The following CSMD1 variants were observed in gnomAD, a reference collection of about 807,000 sequenced individuals.
CSMD1 encodes CUB and Sushi multiple domains 1, also known as CUB and sushi domain-containing protein 1.
CSMD1 carries 213 observed loss-of-function variants against 417.5 expected under a neutral mutation model. That is an observed-to-expected ratio of 0.51 (90% confidence interval 0.46 to 0.57). CSMD1 has a LOEUF of 0.57. Among genes scored for constraint, CSMD1 ranks in the 20% least tolerant of loss-of-function variants. The pLI is 0.00. For missense variants in CSMD1, 6,923 were observed against 4,529.7 expected (o/e 1.53, Z -15.17); for synonymous variants, 2,862 against 1,736.8 (o/e 1.65, Z -16.11).
chr8:3,943,879 T>C (rs1180433019), intron 5 of CSMD1, among the ~76,000 whole-genome samples: 1 of 152,102 alleles, frequency 6.6e-6, no homozygotes. Context: ...GAAAGAGACA[T>C]GGCAGCTAAA....
chr8:3,869,651 CT>C (rs1056832129), intron 5 of CSMD1, among the ~76,000 whole-genome samples: 2 of 152,122 alleles, frequency 1.3e-5, no homozygotes, highest in Non-Finnish European at 2.9e-5. Context: ...AAAGTTCTGC[CT>C]TTCTAGTTGC....
At chr8:4,660,271 T>C (rs776568337) in intron 1 of CSMD1, among the ~76,000 whole-genome samples, 3 of 152,104 alleles carry the variant, frequency 2.0e-5, no homozygotes, top group Non-Finnish European at 4.4e-5. Context: ...ATTAAGTCTG[T>C]AACATGGACA....
In CSMD1 at chr8:2,960,961, T is replaced by TATATATATATATATAC. The variant is rs1408815262; in HGVS notation, c.9702+179_9702+180insGTATATATATATATAT. Among the ~76,000 whole-genome samples the TATATATATATATATAC allele has an allele frequency of 1.8e-3, 239 of 130,810 alleles. 2 individuals are homozygous for TATATATATATATATAC. Among genetic ancestry groups the TATATATATATATATAC allele is most frequent in the East Asian group, 0.015 (73 of 4,760 alleles). 85.8% of individuals were successfully genotyped at this position (130,810 alleles called of 152,430 possible). A position where few individuals can be genotyped will look rare whatever the true frequency, so the allele number is the denominator to read the frequency against. On this transcript the variant is annotated intron_variant, in intron 62 of 69. Coordinates refer to ENST00000635120, the MANE Select transcript of CSMD1 (RefSeq NM_033225.6). ...CAAGATATATATATATATATATATATATATACATATATTGATTTTGACAGT... is the reference window on the plus strand; with the variant it reads ...CAAGATATATATATATATATATATATATATATATATATATACATATACATATATTGATTTTGACAGT...
intron 5 of CSMD1, among the ~76,000 whole-genome samples, chr8:3,831,851 T>C (rs140182238): frequency 6.6e-6 from 1 of 152,328 alleles, no homozygotes; most frequent in Non-Finnish European, 1.5e-5. Context: ...TCCTTGTTCA[T>C]ATAACATAGC....
chr8:3,939,375 G>C (rs1029515184), intron 5 of CSMD1, among the ~76,000 whole-genome samples: 3 of 152,114 alleles, frequency 2.0e-5, no homozygotes, highest in South Asian at 4.1e-4. Flanking sequence ...TGTTGGCATG[G>C]ATATGGTGAA....
chr8:3,518,080 A>C (rs913131166), intron 10 of CSMD1, among the ~76,000 whole-genome samples: 1 of 152,192 alleles, frequency 6.6e-6, no homozygotes, highest in Non-Finnish European at 1.5e-5. Context: ...AAATGTGATT[A>C]TAACTATAAA....
chr8:4,268,284 A>G (rs772864742), intron 3 of CSMD1, among the ~76,000 whole-genome samples: 1 of 152,170 alleles, frequency 6.6e-6, no homozygotes, highest in Non-Finnish European at 1.5e-5. Flanking sequence ...TATTTGAACA[A>G]AATGATGACT....
chr8:4,022,459 A>C (rs1474780590), intron 4 of CSMD1, among the ~76,000 whole-genome samples: 1 of 152,164 alleles, frequency 6.6e-6, no homozygotes, highest in African/African-American at 2.4e-5. Context: ...AGATAAGGAC[A>C]TTTGCAGCCT....
At chr8:3,284,388 G>C (rs1802985160) in intron 25 of CSMD1, 42 bp from the exon 26 acceptor site, 1 of 1,476,916 alleles carries the variant, frequency 6.8e-7, no homozygotes, top group African/African-American at 1.4e-5. Flanking sequence ...CGTGCATCGA[G>C]CATGTCCTGA....
chr8:3,374,173 C>T lies in CSMD1; in HGVS notation c.2783-4803G>A, dbSNP rs970504846. On this transcript the variant is annotated intron_variant, in intron 18 of 69. Coordinates refer to ENST00000635120, the MANE Select transcript of CSMD1 (RefSeq NM_033225.6). ...TTCACCTTGTTGTCCCGGCTAGTCT[C>T]GAACTCCTGACCTCAAGTCATCTAC... Among the ~76,000 whole-genome samples, 5 of 138,094 alleles carry T rather than the reference C, an allele frequency of 3.6e-5. No individual in the cohort carries two copies. The East Asian group carries it at 8.4e-4, about 23-fold the overall frequency. 90.6% of individuals were successfully genotyped at this position (138,094 alleles called of 152,430 possible).
intron 5 of CSMD1, among the ~76,000 whole-genome samples, chr8:3,767,853 T>A (rs1320824360): frequency 2.0e-5 from 3 of 152,200 alleles, no homozygotes; most frequent in Non-Finnish European, 4.4e-5. Context: ...GTGGGTCAGA[T>A]AAATAAATAC....
At chr8:3,333,788 T>C (rs1807062935) in intron 23 of CSMD1, among the ~76,000 whole-genome samples, 1 of 152,214 alleles carries the variant, frequency 6.6e-6, no homozygotes, top group Admixed American at 6.5e-5. Flanking sequence ...TAAAATATAA[T>C]ACACCGTAAA....
chr8:4,007,566 T>G (rs1406034823), intron 4 of CSMD1, among the ~76,000 whole-genome samples: 2 of 152,118 alleles, frequency 1.3e-5, no homozygotes. Context: ...TATGCTTACC[T>G]CTCGGTGCGT....
intron 3 of CSMD1, among the ~76,000 whole-genome samples, chr8:4,417,655 A>G (rs928054633): frequency 3.9e-4 from 60 of 152,048 alleles, no homozygotes; most frequent in African/African-American, 1.2e-3. Context: ...GTCAAATAAC[A>G]GGATCCGTGG....
intron 41 of CSMD1, among the ~76,000 whole-genome samples, chr8:3,124,092 TG>T (rs1212203618): frequency 2.6e-5 from 4 of 152,172 alleles, no homozygotes; most frequent in African/African-American, 7.2e-5. Flanking sequence ...AAATTGTTGT[TG>T]TTTTTTTTTC....
intron 11 of CSMD1, chr8:3,469,135 T>C (rs1249438816): frequency 1.3e-5 from 3 of 239,400 alleles, no homozygotes; most frequent in South Asian, 1.4e-4. Flanking sequence ...GGAATTACAA[T>C]GTTACAACTG....
chr8:3,223,687 T>A, intron 28 of CSMD1, 42 bp downstream of exon 28: 4 of 1,604,064 alleles, frequency 2.5e-6, no homozygotes, highest in Non-Finnish European at 3.4e-6. Context: ...GGTATGGAAT[T>A]AAAAATCCTA....
At chr8:4,663,126 C>T (rs1804705407) in intron 1 of CSMD1, among the ~76,000 whole-genome samples, 2 of 152,142 alleles carry the variant, frequency 1.3e-5, no homozygotes, top group South Asian at 2.1e-4. Context: ...TAGGACGCCA[C>T]GGAGAAGGGA....
At position 3,211,163 on chromosome 8, in the gene CSMD1, G is replaced by A. The variant is rs572716909; in HGVS notation, c.4867+3334C>T. Among the ~76,000 whole-genome samples, 33 of 152,160 alleles carry A rather than the reference G, an allele frequency of 2.2e-4. No homozygotes were observed. The East Asian group carries it at 4.1e-3, about 19-fold the overall frequency. ...GAGCTCAAGTGATACTCCCACTACA[G>A]CCTCCCGAGTAGCTGGGACCCCAGG... On this transcript the variant is annotated intron_variant, in intron 30 of 69. Transcript: ENST00000635120.
Sources: allele counts gnomAD v4.1 joint callset (sites outside exome capture counted in the v4.1 genomes callset), GRCh38; gene constraint gnomAD v4.1.1; transcripts MANE v1.5; gene names NCBI Gene and HGNC (gene_info 2026-07-23, HGNC 2026-07-21).